GRM5: variants seen among roughly 807,000 people sequenced by gnomAD.
The protein encoded by GRM5 is glutamate metabotropic receptor 5.
A neutral mutation model predicts 83.1 loss-of-function variants in GRM5; 19 were observed. The observed-to-expected ratio is 0.23, with a 90% confidence interval of 0.16 to 0.34. The LOEUF is 0.34. GRM5 is among the 10% of genes least tolerant of loss of function. The pLI is 1.00. For synonymous variants in GRM5, 675 were observed against 633.6 expected (o/e 1.07, Z -0.98); for missense variants, 1,160 against 1,588.3 (o/e 0.73, Z 4.58).
At chr11:88,747,056 T>G (rs963365524) in intron 3 of GRM5, among the ~76,000 whole-genome samples, 4 of 152,202 alleles carry the variant, frequency 2.6e-5, no homozygotes, top group Non-Finnish European at 5.9e-5. Context: ...TGTCATTGCA[T>G]AAAGAAGACA....
At chr11:89,052,990 C>T (rs1941792427) in intron 1 of GRM5, among the ~76,000 whole-genome samples, 1 of 152,070 alleles carries the variant, frequency 6.6e-6, no homozygotes, top group Admixed American at 6.6e-5. Flanking sequence ...GACTTTATAA[C>T]ACATTGTTTT....
At chr11:89,012,971 CAT>C (rs767609542) in intron 2 of GRM5, among the ~76,000 whole-genome samples, 2 of 152,160 alleles carry the variant, frequency 1.3e-5, no homozygotes, top group East Asian at 1.9e-4. Context: ...TCTGAAAAAA[CAT>C]ATGTTTGCAG....
chr11:89,060,266 G>GTATATA (rs71046276), intron 1 of GRM5, among the ~76,000 whole-genome samples: 20 of 146,994 alleles, frequency 1.4e-4, no homozygotes, highest in Middle Eastern at 3.5e-3. Flanking sequence ...ATGGTAAATG[G>GTATATA]TATATATATA....
At chr11:88,543,407 C>T (rs1486938061) in intron 8 of GRM5, among the ~76,000 whole-genome samples, 1 of 152,020 alleles carries the variant, frequency 6.6e-6, no homozygotes, top group Non-Finnish European at 1.5e-5. Context: ...GTGACTGTCA[C>T]GTTCACCACA....
intron 3 of GRM5, among the ~76,000 whole-genome samples, chr11:88,786,132 T>C (rs1273993092): frequency 6.6e-6 from 1 of 152,052 alleles, no homozygotes; most frequent in East Asian, 1.9e-4. Context: ...ACAAAGAGAA[T>C]TGTGATCTGA....
chr11:88,645,021 A>T (rs1313145696), intron 4 of GRM5, among the ~76,000 whole-genome samples: 1 of 152,152 alleles, frequency 6.6e-6, no homozygotes, highest in Non-Finnish European at 1.5e-5. Context: ...CAAAAACCAC[A>T]ATGGTACATG....
At chr11:88,797,722 T>C (rs1943307399) in intron 3 of GRM5, among the ~76,000 whole-genome samples, 1 of 152,134 alleles carries the variant, frequency 6.6e-6, no homozygotes, top group Non-Finnish European at 1.5e-5. Flanking sequence ...TATAGGATCC[T>C]ATTTTGGTAT....
intron 3 of GRM5, among the ~76,000 whole-genome samples, chr11:88,783,428 C>G (rs375296761): frequency 3.3e-5 from 5 of 152,104 alleles, no homozygotes; most frequent in African/African-American, 1.2e-4. Flanking sequence ...TAAAATTTTA[C>G]AGGCACTAGC....
chr11:88,559,200 G>A (rs1942699992), intron 8 of GRM5, among the ~76,000 whole-genome samples: 1 of 152,030 alleles, frequency 6.6e-6, no homozygotes, highest in East Asian at 1.9e-4. Flanking sequence ...AATCAAATTT[G>A]GTTCATTCAG....
chr11:88,990,698 C>T (rs1421721078), intron 2 of GRM5, among the ~76,000 whole-genome samples: 2 of 151,062 alleles, frequency 1.3e-5, no homozygotes, highest in Non-Finnish European at 2.9e-5. Context: ...GGATGCAAGG[C>T]TGGTTCAATA....
intron 2 of GRM5, among the ~76,000 whole-genome samples, chr11:88,976,320 T>C (rs966389744): frequency 6.6e-6 from 1 of 152,292 alleles, no homozygotes; most frequent in East Asian, 1.9e-4. Flanking sequence ...AAAACAAAAA[T>C]TGAGACCTGG....
intron 3 of GRM5, among the ~76,000 whole-genome samples, chr11:88,701,647 G>T (rs1941038445): frequency 6.6e-6 from 1 of 152,176 alleles, no homozygotes; most frequent in African/African-American, 2.4e-5. Flanking sequence ...GGAAGTAGAA[G>T]TTACAGACAA....
chr11:88,799,998 T>C (rs1943358655), intron 3 of GRM5, among the ~76,000 whole-genome samples: 1 of 151,882 alleles, frequency 6.6e-6, no homozygotes, highest in South Asian at 2.1e-4. Flanking sequence ...GAAACCAACA[T>C]CATGAATGAG....
At chr11:88,833,534 T>C (rs566722400) in intron 3 of GRM5, among the ~76,000 whole-genome samples, 1 of 152,064 alleles carries the variant, frequency 6.6e-6, no homozygotes, top group Non-Finnish European at 1.5e-5. Flanking sequence ...GGTAAAATTA[T>C]ACAGACACTA....
rs1338070839 is a variant in GRM5 at position 88,988,404 on chromosome 11, G to A, written c.661+58808C>T. Among the ~76,000 whole-genome samples, 105 of 151,898 alleles carry A rather than the reference G, an allele frequency of 6.9e-4. 1 individual carries two copies. In the East Asian group the frequency reaches 0.014, roughly 20 times the overall value. On this transcript the variant is annotated intron_variant, in intron 2 of 9. Coordinates refer to ENST00000305447, the MANE Select transcript of GRM5 (RefSeq NM_001143831.3). Reference sequence around the variant, plus strand: ...TCTGATTGGTGTACCTGAAAGTGACGGGGAGAATGGAACCAAGTTGGAAAA... The same window carrying A: ...TCTGATTGGTGTACCTGAAAGTGACAGGGAGAATGGAACCAAGTTGGAAAA...
At chr11:88,545,544 A>G (rs191628232) in intron 8 of GRM5, among the ~76,000 whole-genome samples, 7 of 151,652 alleles carry the variant, frequency 4.6e-5, no homozygotes, top group Admixed American at 1.3e-4. Flanking sequence ...TTAGTTATCA[A>G]TTTTACCCTT....
At chr11:88,775,257 G>T (rs1452360168) in intron 3 of GRM5, among the ~76,000 whole-genome samples, 1 of 151,508 alleles carries the variant, frequency 6.6e-6, no homozygotes, top group Non-Finnish European at 1.5e-5. Flanking sequence ...TCTGATGGTA[G>T]TTTGTATTTC....
At chr11:88,924,721 G>T (rs950252418) in intron 2 of GRM5, among the ~76,000 whole-genome samples, 1 of 151,690 alleles carries the variant, frequency 6.6e-6, no homozygotes, top group Non-Finnish European at 1.5e-5. Flanking sequence ...AATAAGTTTA[G>T]ATATCTAATA....
intron 2 of GRM5, among the ~76,000 whole-genome samples, chr11:89,004,916 G>A (rs569845434): frequency 9.2e-5 from 14 of 152,194 alleles, no homozygotes; most frequent in East Asian, 1.9e-4. Context: ...GCTCTTCTTC[G>A]TTCCTCAGTC....
Sources: allele counts gnomAD v4.1 joint callset (sites outside exome capture counted in the v4.1 genomes callset), GRCh38; gene constraint gnomAD v4.1.1; transcripts MANE v1.5; gene names NCBI Gene and HGNC (gene_info 2026-07-23, HGNC 2026-07-21).